Variants in DOCK5 observed in about 807,000 individuals in gnomAD.
The protein encoded by DOCK5 is dedicator of cytokinesis 5.
In DOCK5, 142 loss-of-function variants were observed where a neutral mutation model predicts 251.8. The observed-to-expected ratio is 0.56, with a 90% CI of 0.49 to 0.65. The LOEUF (loss-of-function observed/expected upper bound fraction) is 0.65. Among genes scored for constraint, DOCK5 ranks in the 30% least tolerant of loss-of-function variants. The pLI, the probability that DOCK5 is intolerant of heterozygous loss-of-function variation, is 0.00. For missense variants in DOCK5, 2,111 were observed against 2,312.3 expected (o/e 0.91, Z 1.79); for synonymous variants, 842 against 835.5 (o/e 1.01, Z -0.13).
At chr8:25,281,017 G>A (rs1453183093) in intron 5 of DOCK5, among the ~76,000 whole-genome samples, 1 of 150,784 alleles carries the variant, frequency 6.6e-6, no homozygotes, top group African/African-American at 2.4e-5. Flanking sequence ...GAGAGTATGA[G>A]TGAGGCCGAC....
chr8:25,361,592 C>T (rs922780453), intron 28 of DOCK5, among the ~76,000 whole-genome samples: 3 of 151,970 alleles, frequency 2.0e-5, no homozygotes, highest in Non-Finnish European at 2.9e-5. Context: ...CCAGCCTGGG[C>T]GACAAAGCAA....
chr8:25,325,328 G>A (rs1275680973), intron 17 of DOCK5, 36 bp from the exon 18 acceptor site: 3 of 1,595,152 alleles, frequency 1.9e-6, no homozygotes, highest in Non-Finnish European at 2.6e-6. Flanking sequence ...AGAGATTTTG[G>A]CCATCATTTG....
At chr8:25,328,850 C>G (rs1805622051) in intron 18 of DOCK5, among the ~76,000 whole-genome samples, 1 of 152,300 alleles carries the variant, frequency 6.6e-6, no homozygotes, top group Non-Finnish European at 1.5e-5. Context: ...GAGGTTCATA[C>G]TCAGTCAGTC....
At chr8:25,318,688 C>G (rs1391681608) in intron 14 of DOCK5, among the ~76,000 whole-genome samples, 2 of 143,102 alleles carry the variant, frequency 1.4e-5, no homozygotes, top group Non-Finnish European at 3.0e-5. Context: ...ATTCTGACAT[C>G]AAAGAGGATA....
intron 2 of DOCK5, among the ~76,000 whole-genome samples, chr8:25,264,563 C>T (rs138236871): frequency 0.034 from 5,131 of 151,614 alleles, 369 homozygotes; most frequent in African/African-American, 0.11. Context: ...CAGTGGCTCA[C>T]GCCTGTAATC....
rs1234033768 is a variant in DOCK5, at chr8:25,210,238, A to G, written c.43+25287A>G. ...CTCCCAAAGTGCTGAGATTACAGGCATGAGACACTGCATCTGGCCCTCTAT... is the reference window on the plus strand; with the variant it reads ...CTCCCAAAGTGCTGAGATTACAGGCGTGAGACACTGCATCTGGCCCTCTAT... On this transcript the variant is annotated intron_variant, in intron 1 of 51. Coordinates refer to ENST00000276440, the MANE Select transcript of DOCK5 (RefSeq NM_024940.8). 6.2e-5 allele frequency among the ~76,000 whole-genome samples: 4 copies of G among 64,920 alleles called. 1 individual carries two copies. The highest frequency in any genetic ancestry group is 1.4e-4 in the African/African-American group (4 of 28,208). The allele number at this position is 64,920 out of a possible 152,430, so 42.6% of individuals were successfully genotyped here. A position where few individuals can be genotyped will look rare whatever the true frequency, so the allele number is the denominator to read the frequency against.
intron 1 of DOCK5, among the ~76,000 whole-genome samples, chr8:25,227,940 A>G (rs1376275472): frequency 6.6e-6 from 1 of 152,160 alleles, no homozygotes; most frequent in Non-Finnish European, 1.5e-5. Flanking sequence ...GCTGGAGTGC[A>G]GTGGCAGGAT....
chr8:25,224,439 T>C (rs1802471380), intron 1 of DOCK5, among the ~76,000 whole-genome samples: 1 of 152,234 alleles, frequency 6.6e-6, no homozygotes, highest in African/African-American at 2.4e-5. Flanking sequence ...TTGTCATTTC[T>C]GTGTGTAAAC....
At chr8:25,213,559 G>A (rs1802156940) in intron 1 of DOCK5, among the ~76,000 whole-genome samples, 1 of 151,954 alleles carries the variant, frequency 6.6e-6, no homozygotes, top group South Asian at 2.1e-4. Flanking sequence ...CTCTTGTTTA[G>A]GGTCTGGCAT....
chr8:25,356,551 C>T (rs1586357647), intron 27 of DOCK5, among the ~76,000 whole-genome samples: 1 of 152,096 alleles, frequency 6.6e-6, no homozygotes, highest in Non-Finnish European at 1.5e-5. Flanking sequence ...CCTGTAATCC[C>T]AGCTACTCAG....
chr8:25,349,278 G>A (rs1800425276), intron 26 of DOCK5, among the ~76,000 whole-genome samples: 1 of 152,094 alleles, frequency 6.6e-6, no homozygotes, highest in East Asian at 1.9e-4. Context: ...TTAGTACGAC[G>A]ACTATGAAAA....
At chr8:25,387,914 C>T (rs529358816) in intron 40 of DOCK5, among the ~76,000 whole-genome samples, 1 of 152,200 alleles carries the variant, frequency 6.6e-6, no homozygotes, top group Non-Finnish European at 1.5e-5. Flanking sequence ...CAGTTATCGT[C>T]TGCATCATAC....
At chr8:25,338,162 C>T (rs945165376) in intron 22 of DOCK5, among the ~76,000 whole-genome samples, 6 of 151,788 alleles carry the variant, frequency 4.0e-5, no homozygotes, top group Non-Finnish European at 7.4e-5. Context: ...CAACCTTAGC[C>T]CCCCAAGTAG....
intron 22 of DOCK5, 70 bp downstream of exon 22, chr8:25,336,443 C>G (rs2117224117): frequency 6.4e-7 from 1 of 1,570,844 alleles, no homozygotes; most frequent in African/African-American, 1.3e-5. Context: ...CCTCACTCTG[C>G]ACAGTGGTGT....
intron 21 of DOCK5, among the ~76,000 whole-genome samples, chr8:25,334,978 C>G (rs1242211997): frequency 6.6e-6 from 1 of 152,142 alleles, no homozygotes; most frequent in Admixed American, 6.5e-5. Flanking sequence ...TGTAGTGCAG[C>G]CTGCCTTCTA....
At chr8:25,334,032 C>A in intron 20 of DOCK5, 64 bp from the exon 21 acceptor site, 1 of 1,249,124 alleles carries the variant, frequency 8.0e-7, no homozygotes, top group Non-Finnish European at 1.2e-6. Context: ...TGTTAAAATG[C>A]GGCTTGTTGA....
Position 25,389,219 on chromosome 8 carries a change from G to C in DOCK5, c.4260G>C (p.Ser1420=). ...CGCCTCCTGGGGAAGACATCAAGTC[G>C]TCCCCCAAGCAGTGTATCCTTTCCG... ...STTPPGEDIK[S]SPKQYMQCFT... Residue 1420 remains serine, a synonymous_variant, in exon 41 of 52, where the codon TCG becomes TCC. Coordinates refer to ENST00000276440, the MANE Select transcript of DOCK5 (RefSeq NM_024940.8). The C allele has an allele frequency of 5.0e-6, 8 of 1,613,906 alleles. No individual in the cohort carries two copies. Among genetic ancestry groups the C allele is most frequent in the Non-Finnish European group, 6.8e-6 (8 of 1,179,860 alleles).
chr8:25,410,168 A>G lies in DOCK5; in HGVS notation c.5474A>G (p.Lys1825Arg), dbSNP rs142524235. 353 of 1,613,668 alleles carry G rather than the reference A, an allele frequency of 2.2e-4. No homozygotes were observed. The African/African-American group carries it at 4.0e-3, about 18-fold the overall frequency. ...PVPPPPPPKS[K>R]PYEGSQRNST... ...CCACCTCCACCTCCCCCCAAAAGCA[A>G]GCCCTATGAAGGCAGCCAGAGGAAC... Residue 1825 changes from lysine to arginine, a missense_variant, in exon 51 of 52, where the codon AAG becomes AGG. By Grantham distance (26) the Lys-to-Arg change is conservative. Transcript: ENST00000276440.
intron 12 of DOCK5, among the ~76,000 whole-genome samples, chr8:25,309,791 A>G (rs7843294): frequency 1.3e-5 from 2 of 152,124 alleles, no homozygotes; most frequent in Non-Finnish European, 2.9e-5. Context: ...ACTGCATTCC[A>G]GTCTGGGCAA....
Sources: allele counts gnomAD v4.1 joint callset (sites outside exome capture counted in the v4.1 genomes callset), GRCh38; gene constraint gnomAD v4.1.1; transcripts MANE v1.5; gene names NCBI Gene and HGNC (gene_info 2026-07-23, HGNC 2026-07-21).